Variants in IGF1R observed in about 807,000 individuals in gnomAD.
IGF1R encodes the protein insulin like growth factor 1 receptor, also known as insulin-like growth factor 1 receptor.
Under a neutral mutation model 144.6 loss-of-function variants are expected in IGF1R, and 44 were observed. The observed-to-expected ratio is 0.30, with a 90% CI of 0.24 to 0.39. The LOEUF (loss-of-function observed/expected upper bound fraction) is 0.39, where lower values mean the gene tolerates loss of function less well. IGF1R is among the 10% of genes least tolerant of loss of function. IGF1R has a pLI of 1.00. For missense variants in IGF1R, 1,355 were observed against 1,833.7 expected, an observed-to-expected ratio of 0.74 and a Z score of 4.77; for synonymous variants, 795 against 722.8, an observed-to-expected ratio of 1.10 and a Z score of -1.60.
At chr15:98,916,371 C>G in intron 9 of IGF1R, 1 of 549,054 alleles carries the variant, frequency 1.8e-6, no homozygotes, top group South Asian at 2.0e-5. Flanking sequence ...AAGCATTTCT[C>G]ATTCCCCAGC....
At chr15:98,902,936 A>G (rs571062934) in intron 5 of IGF1R, among the ~76,000 whole-genome samples, 44 of 152,158 alleles carry the variant, frequency 2.9e-4, no homozygotes, top group Non-Finnish European at 5.1e-4. Context: ...CATTTTACAT[A>G]GAGTAGAGCT....
intron 2 of IGF1R, among the ~76,000 whole-genome samples, chr15:98,808,136 A>G (rs1462674680): frequency 1.3e-5 from 2 of 152,224 alleles, no homozygotes; most frequent in Non-Finnish European, 2.9e-5. Context: ...ATGTTAGGGT[A>G]TTCTCCTTGA....
chr15:98,921,705 C>T (rs867829974), intron 10 of IGF1R, among the ~76,000 whole-genome samples: 3 of 152,172 alleles, frequency 2.0e-5, no homozygotes, highest in South Asian at 2.1e-4. Context: ...TATCCCTCTG[C>T]CCCAGGTCTC....
intron 2 of IGF1R, among the ~76,000 whole-genome samples, chr15:98,866,161 GACTCA>G (rs1419657818): frequency 6.6e-6 from 1 of 152,220 alleles, no homozygotes; most frequent in African/African-American, 2.4e-5. Flanking sequence ...AGCACCCCAT[GACTCA>G]GAGCCCAAAT....
intron 2 of IGF1R, among the ~76,000 whole-genome samples, chr15:98,764,870 A>G (rs907374536): frequency 2.6e-5 from 4 of 152,176 alleles, no homozygotes; most frequent in African/African-American, 4.8e-5. Flanking sequence ...GACATCTAGT[A>G]TATTCATACT....
chr15:98,952,510 T>C (rs1040199743), intron 20 of IGF1R, among the ~76,000 whole-genome samples: 2 of 152,192 alleles, frequency 1.3e-5, no homozygotes, highest in African/African-American at 2.4e-5. Flanking sequence ...ATACTAGAAC[T>C]GGTGGTATTT....
At chr15:98,727,462 C>T (rs1360673920) in intron 2 of IGF1R, among the ~76,000 whole-genome samples, 1 of 152,156 alleles carries the variant, frequency 6.6e-6, no homozygotes, top group South Asian at 2.1e-4. Context: ...GGGCAAACAA[C>T]CGACTTTTAC....
intron 2 of IGF1R, 150 bp downstream of exon 2, chr15:98,708,257 G>T: frequency 1.4e-6 from 1 of 740,204 alleles, no homozygotes; most frequent in South Asian, 1.5e-5. Flanking sequence ...GTGCGGAAGT[G>T]GTTCCCAGTG....
At chr15:98,834,361 C>A (rs1002116072) in intron 2 of IGF1R, among the ~76,000 whole-genome samples, 1 of 152,226 alleles carries the variant, frequency 6.6e-6, no homozygotes, top group Non-Finnish European at 1.5e-5. Context: ...GGAAAATGCT[C>A]TTGAGAAAAT....
At chr15:98,934,319 T>C (rs1010850830) in intron 15 of IGF1R, among the ~76,000 whole-genome samples, 1 of 152,136 alleles carries the variant, frequency 6.6e-6, no homozygotes, top group African/African-American at 2.4e-5. Context: ...TCACCTCTCA[T>C]ATGTGACTCT....
At chr15:98,660,047 A>G (rs907805455) in intron 1 of IGF1R, among the ~76,000 whole-genome samples, 3 of 152,244 alleles carry the variant, frequency 2.0e-5, no homozygotes, top group African/African-American at 7.2e-5. Context: ...TACACAAAAT[A>G]TATAGCTGGT....
chr15:98,672,151 T>A (rs950970817), intron 1 of IGF1R, among the ~76,000 whole-genome samples: 1 of 152,246 alleles, frequency 6.6e-6, no homozygotes, highest in Non-Finnish European at 1.5e-5. Context: ...GTTTCATTTT[T>A]GCCTGTAAAA....
chr15:98,835,105 ACACACCCCTACACCCACACACACC>A lies in IGF1R; in HGVS notation c.641-56216_641-56193del, dbSNP rs199760589. On this transcript the variant is annotated intron_variant, in intron 2 of 20. Coordinates refer to ENST00000650285, the MANE Select transcript of IGF1R (RefSeq NM_000875.5). ...TACACACACACACACACACACACACACACACCCCTACACCCACACACACCCACCCCTACACCCACACACACCCAC... is the reference window on the plus strand; with the variant it reads ...TACACACACACACACACACACACACACACCCCTACACCCACACACACCCAC... 5.2e-4 allele frequency among the ~76,000 whole-genome samples: 78 copies of A among 149,612 alleles called. No homozygotes were observed. The South Asian group carries it at 7.1e-3, about 14-fold the overall frequency.
chr15:98,710,198 A>G (rs1236536346), intron 2 of IGF1R, among the ~76,000 whole-genome samples: 1 of 152,126 alleles, frequency 6.6e-6, no homozygotes, highest in African/African-American at 2.4e-5. Flanking sequence ...TGCTTCCCCA[A>G]GGCCACGCCC....
intron 17 of IGF1R, among the ~76,000 whole-genome samples, chr15:98,936,873 C>G (rs10400844): frequency 0.074 from 11,222 of 152,082 alleles, 813 homozygotes; most frequent in African/African-American, 0.19. Context: ...TTCTCTGGCC[C>G]TCTCTGTGTC....
intron 2 of IGF1R, among the ~76,000 whole-genome samples, chr15:98,841,041 G>A (rs549292486): frequency 2.0e-5 from 3 of 152,052 alleles, no homozygotes; most frequent in African/African-American, 7.2e-5. Context: ...AATTACAGGC[G>A]TGAGCCACCG....
At chr15:98,833,276 G>A (rs1402391659) in intron 2 of IGF1R, among the ~76,000 whole-genome samples, 2 of 152,164 alleles carry the variant, frequency 1.3e-5, no homozygotes, top group African/African-American at 4.8e-5. Flanking sequence ...ATTCTAAAGT[G>A]GTGTCATTGA....
Position 98,713,193 on chromosome 15 carries a change from C to T in IGF1R, c.640+5086C>T, listed in dbSNP as rs114100103. On this transcript the variant is annotated intron_variant, in intron 2 of 20. Coordinates refer to ENST00000650285, the MANE Select transcript of IGF1R (RefSeq NM_000875.5). ...GCTCTGCAGATTTCGGGAGGCCTGT[C>T]TCCCAGCACCTGATGGGACACTTTT... Among the ~76,000 whole-genome samples, 447 of 152,262 alleles carry T rather than the reference C, an allele frequency of 2.9e-3. 3 individuals are homozygous for T. Among genetic ancestry groups the T allele is most frequent in the African/African-American group, 0.01 (428 of 41,558 alleles).
At chr15:98,942,032 G>C (rs1010329008) in intron 18 of IGF1R, among the ~76,000 whole-genome samples, 2 of 152,160 alleles carry the variant, frequency 1.3e-5, no homozygotes, top group Non-Finnish European at 2.9e-5. Flanking sequence ...ATGAGTGGGA[G>C]GATTATGTTG....
Sources: allele counts gnomAD v4.1 joint callset (sites outside exome capture counted in the v4.1 genomes callset), GRCh38; gene constraint gnomAD v4.1.1; transcripts MANE v1.5; gene names NCBI Gene and HGNC (gene_info 2026-07-23, HGNC 2026-07-21).